Variants in SYN3 observed in about 807,000 individuals in gnomAD.
SYN3 encodes synapsin-3.
Under a neutral mutation model 65.8 loss-of-function variants are expected in SYN3, and 35 were observed. The observed-to-expected ratio is 0.53, with a 90% confidence interval of 0.41 to 0.70. The LOEUF (loss-of-function observed/expected upper bound fraction) is 0.70. SYN3 is among the 30% of genes least tolerant of loss of function. The probability of loss-of-function intolerance (pLI) is 0.00; values close to 1 mark genes in which losing one functional copy is unlikely to be tolerated. For synonymous variants in SYN3, 270 were observed against 292.9 expected (o/e 0.92, Z 0.80); for missense variants, 680 against 749.0 (o/e 0.91, Z 1.08).
rs2054012971 is a variant in SYN3, at chr22:33,044,010, GCCAC to G, written c.-163+14278_-163+14281del. Among the ~76,000 whole-genome samples the G allele has an allele frequency of 2.0e-5, 3 of 151,690 alleles. No homozygotes were observed. In the East Asian group the frequency reaches 5.9e-4, roughly 30 times the overall value. The stretch of plus-strand genomic sequence containing the variant: ...AGAGGTTGCAGTGAGCCGAGATTGT[GCCAC>G]TGCACACCATCCTGATGACAGAGTG... On this transcript the variant is annotated intron_variant, in intron 1 of 13. Transcript: ENST00000358763.
chr22:32,964,338 G>A (rs908989482), intron 3 of SYN3, among the ~76,000 whole-genome samples: 4 of 150,340 alleles, frequency 2.7e-5, no homozygotes, highest in Non-Finnish European at 4.4e-5. Context: ...GTTAATGGGT[G>A]CAGCACACCA....
In SYN3 at chr22:32,729,218, G is replaced by A. The variant is rs117726088; in HGVS notation, c.712-132482C>T. 2.2e-3 allele frequency among the ~76,000 whole-genome samples: 342 copies of A among 152,232 alleles called. 12 individuals carry two copies. In the East Asian group the frequency reaches 0.054, roughly 24 times the overall value. On this transcript the variant is annotated intron_variant, in intron 6 of 13. Coordinates refer to ENST00000358763, the MANE Select transcript of SYN3 (RefSeq NM_003490.4). Reference sequence around the variant, plus strand: ...CATTCTAGGTCACCATCCTCTTTCCGGGCTTGAGAGCAGTGCATGGCACAA... The same window carrying A: ...CATTCTAGGTCACCATCCTCTTTCCAGGCTTGAGAGCAGTGCATGGCACAA...
At chr22:32,555,524 C>T (rs184272156) in intron 7 of SYN3, among the ~76,000 whole-genome samples, 7 of 152,220 alleles carry the variant, frequency 4.6e-5, no homozygotes, top group South Asian at 2.1e-4. Flanking sequence ...GTGTGATGGC[C>T]GGGACATACT....
intron 7 of SYN3, among the ~76,000 whole-genome samples, chr22:32,590,764 G>T (rs1386860292): frequency 6.6e-6 from 1 of 152,172 alleles, no homozygotes; most frequent in Non-Finnish European, 1.5e-5. Context: ...TTTCCCTGAT[G>T]ACTAATAAAG....
intron 4 of SYN3, among the ~76,000 whole-genome samples, chr22:32,894,751 G>T (rs2049543667): frequency 6.6e-6 from 1 of 152,166 alleles, no homozygotes; most frequent in South Asian, 2.1e-4. Context: ...TTTGCATTTG[G>T]ATCTATAGAC....
At chr22:32,521,138 TATA>T (rs2057873884) in intron 12 of SYN3, among the ~76,000 whole-genome samples, 2 of 151,970 alleles carry the variant, frequency 1.3e-5, no homozygotes, top group African/African-American at 4.8e-5. Context: ...AGCAGGCAAA[TATA>T]AGAAAAGTAA....
intron 6 of SYN3, among the ~76,000 whole-genome samples, chr22:32,790,203 T>C (rs2145874839): frequency 6.6e-6 from 1 of 152,316 alleles, no homozygotes; most frequent in Non-Finnish European, 1.5e-5. Context: ...ACTTCCATCA[T>C]AGCCAATTTT....
At chr22:32,765,082 T>C (rs564958924) in intron 6 of SYN3, among the ~76,000 whole-genome samples, 1 of 151,286 alleles carries the variant, frequency 6.6e-6, no homozygotes, top group Admixed American at 6.6e-5. Context: ...CGCCGTTTGC[T>C]GGCCTGGATG....
intron 7 of SYN3, among the ~76,000 whole-genome samples, chr22:32,592,639 A>G (rs2059144126): frequency 6.6e-6 from 1 of 152,118 alleles, no homozygotes; most frequent in Non-Finnish European, 1.5e-5. Context: ...TTTCCTGGGC[A>G]TGCTCTTAAT....
chr22:32,927,996 C>A (rs2050520444), intron 4 of SYN3, among the ~76,000 whole-genome samples: 1 of 152,166 alleles, frequency 6.6e-6, no homozygotes, highest in Middle Eastern at 3.2e-3. Flanking sequence ...GGGGCTGCAT[C>A]CCAATAAACC....
chr22:32,958,730 T>A (rs530064502), intron 3 of SYN3, among the ~76,000 whole-genome samples: 8 of 152,198 alleles, frequency 5.3e-5, no homozygotes, highest in African/African-American at 1.9e-4. Flanking sequence ...CGAGGCATGA[T>A]GAGATTAGTA....
intron 2 of SYN3, among the ~76,000 whole-genome samples, chr22:32,994,083 G>A (rs936300962): frequency 1.1e-4 from 17 of 152,172 alleles, no homozygotes; most frequent in Non-Finnish European, 2.2e-4. Flanking sequence ...CCGCTGGATT[G>A]GACAGCGTGT....
At chr22:32,906,113 A>C (rs147058596) in intron 4 of SYN3, among the ~76,000 whole-genome samples, 72 of 152,326 alleles carry the variant, frequency 4.7e-4, no homozygotes, top group African/African-American at 1.6e-3. Flanking sequence ...AGAGGGAAGA[A>C]AAGCGGCAGG....
At chr22:32,894,987 T>C (rs1032783876) in intron 4 of SYN3, among the ~76,000 whole-genome samples, 20 of 152,212 alleles carry the variant, frequency 1.3e-4, no homozygotes, top group African/African-American at 4.8e-4. Flanking sequence ...ATGAAAAATA[T>C]TGAAGCATCG....
intron 2 of SYN3, among the ~76,000 whole-genome samples, chr22:32,998,509 G>T (rs1214246905): frequency 6.6e-6 from 1 of 152,088 alleles, no homozygotes; most frequent in Non-Finnish European, 1.5e-5. Context: ...CTGAGAAAAA[G>T]GCTACCAGCA....
chr22:32,674,453 C>T (rs1406426480), intron 6 of SYN3, among the ~76,000 whole-genome samples: 1 of 152,198 alleles, frequency 6.6e-6, no homozygotes, highest in Non-Finnish European at 1.5e-5. Context: ...TTTGTTGCTA[C>T]AGGTAATGCC....
intron 4 of SYN3, among the ~76,000 whole-genome samples, chr22:32,869,702 T>G (rs1047021325): frequency 6.7e-6 from 1 of 149,872 alleles, no homozygotes. Flanking sequence ...TTTTTTTTTT[T>G]TTTTTTTTTT....
At chr22:32,600,685 T>C (rs2059268866) in intron 6 of SYN3, among the ~76,000 whole-genome samples, 1 of 119,268 alleles carries the variant, frequency 8.4e-6, no homozygotes, top group African/African-American at 4.9e-5. Context: ...TTTATGCAAC[T>C]TAATATGATT....
At chr22:32,997,493 C>G (rs1482162252) in intron 2 of SYN3, among the ~76,000 whole-genome samples, 1 of 152,136 alleles carries the variant, frequency 6.6e-6, no homozygotes, top group African/African-American at 2.4e-5. Flanking sequence ...CCAGCCCAGC[C>G]CCACTTCTGT....
Sources: allele counts gnomAD v4.1 joint callset (sites outside exome capture counted in the v4.1 genomes callset), GRCh38; gene constraint gnomAD v4.1.1; transcripts MANE v1.5; gene names NCBI Gene and HGNC (gene_info 2026-07-23, HGNC 2026-07-21).